The following CABIN1 variants were observed in gnomAD, a reference collection of about 807,000 sequenced individuals.
CABIN1 encodes the protein calcineurin binding protein 1.
A neutral mutation model predicts 227.7 loss-of-function variants in CABIN1; 133 were observed. The ratio of observed to expected loss-of-function variants is 0.58; its 90% CI spans 0.51 to 0.67. The LOEUF is 0.67. Ranked by LOEUF, CABIN1 falls within the 30% of genes least tolerant of loss-of-function variation. The pLI is 0.00. For missense variants in CABIN1, 2,408 were observed against 2,852.5 expected (o/e 0.84, Z 3.55); for synonymous variants, 1,086 against 1,155.1 (o/e 0.94, Z 1.21).
At chr22:24,014,922 C>T (rs920865725) in intron 1 of CABIN1, among the ~76,000 whole-genome samples, 7 of 151,824 alleles carry the variant, frequency 4.6e-5, no homozygotes, top group East Asian at 1.9e-4. Flanking sequence ...CTTTCTTATA[C>T]GAAGGTGACA....
At chr22:24,082,870 G>A (rs1240497766) in intron 19 of CABIN1, among the ~76,000 whole-genome samples, 1 of 152,194 alleles carries the variant, frequency 6.6e-6, no homozygotes, top group East Asian at 1.9e-4. Context: ...AAAGTATTCA[G>A]TAAATATTCG....
At chr22:24,075,538 A>G (rs1032998977) in intron 18 of CABIN1, among the ~76,000 whole-genome samples, 10 of 152,172 alleles carry the variant, frequency 6.6e-5, no homozygotes, top group Admixed American at 3.9e-4. Flanking sequence ...GCAGGCCAGG[A>G]GTTCGAGACT....
chr22:24,161,250 G>A (rs1396823244), intron 29 of CABIN1, among the ~76,000 whole-genome samples: 1 of 152,156 alleles, frequency 6.6e-6, no homozygotes, highest in Non-Finnish European at 1.5e-5. Flanking sequence ...GAAGCCTCAA[G>A]CACAATCTCA....
At chr22:24,135,025 C>T (rs9624405) in intron 29 of CABIN1, among the ~76,000 whole-genome samples, 19,250 of 151,190 alleles carry the variant, frequency 0.13, 1,452 homozygotes, top group East Asian at 0.3. Flanking sequence ...TGCGGTGAGC[C>T]GAGATCATGC....
At chr22:24,031,833 C>A (rs946292102) in intron 1 of CABIN1, among the ~76,000 whole-genome samples, 1 of 152,130 alleles carries the variant, frequency 6.6e-6, no homozygotes, top group Non-Finnish European at 1.5e-5. Context: ...GCAGGTCTGG[C>A]CATGGGCTGT....
At chr22:24,147,550 G>T (rs2045226987) in intron 29 of CABIN1, among the ~76,000 whole-genome samples, 1 of 151,258 alleles carries the variant, frequency 6.6e-6, no homozygotes, top group Non-Finnish European at 1.5e-5. Context: ...CCATGCTCAA[G>T]TGATCCTGCT....
In CABIN1 at chr22:24,072,513, G is replaced by A; in HGVS notation, c.2632+3G>A. ...GCTCCAAAACCCAGCGGAGGAAGGT[G>A]CACAGGCAGTGGGTGCAGTGGGGAT... On this transcript the variant is annotated splice_donor_region_variant and intron_variant, in intron 18 of 36. Transcript: ENST00000263119. 2 of 1,614,134 alleles carry A rather than the reference G, an allele frequency of 1.2e-6. No individual in the cohort carries two copies. Among genetic ancestry groups the A allele is most frequent in the Non-Finnish European group, 1.7e-6 (2 of 1,180,014 alleles).
intron 27 of CABIN1, among the ~76,000 whole-genome samples, chr22:24,115,382 T>A (rs1043778762): frequency 1.3e-5 from 2 of 152,090 alleles, no homozygotes; most frequent in South Asian, 4.1e-4. Context: ...AAGCAGACAG[T>A]TTGTGGGGCT....
chr22:24,167,334 T>C, intron 32 of CABIN1, 21 bp downstream of exon 32: 1 of 1,604,386 alleles, frequency 6.2e-7, no homozygotes, highest in Non-Finnish European at 8.5e-7. Context: ...GGCAGAGGCC[T>C]GGGGGCACTA....
chr22:24,040,892 C>T (rs1297896676), intron 4 of CABIN1, among the ~76,000 whole-genome samples: 1 of 152,228 alleles, frequency 6.6e-6, no homozygotes, highest in Non-Finnish European at 1.5e-5. Flanking sequence ...GGCAGTTTCT[C>T]TCTGTTGGAT....
intron 20 of CABIN1, among the ~76,000 whole-genome samples, chr22:24,084,338 A>G (rs1170606739): frequency 6.6e-6 from 1 of 151,254 alleles, no homozygotes. Context: ...GCTCAGGTTC[A>G]AGAGATTCTC....
rs1383394437 is a variant in CABIN1, at chr22:24,177,989, G to T, written c.6520-64G>T. The stretch of plus-strand genomic sequence containing the variant: ...GGGGCCTGGGGCAGGGGTGAAGGTG[G>T]CAGAGGGGCTTGGGGCAGAGCCCAG... On this transcript the variant is annotated intron_variant, in intron 36 of 36. Transcript: ENST00000263119. The surrounding 1 kb of genome is among the most constrained non-coding windows in gnomAD (Gnocchi z 4.4). The T allele has an allele frequency of 6.2e-7, 1 of 1,607,668 alleles. No individual in the cohort carries two copies. Among genetic ancestry groups the T allele is most frequent in the Non-Finnish European group, 8.5e-7 (1 of 1,178,332 alleles).
Position 24,098,132 on chromosome 22 carries a change from A to T in CABIN1, c.4057A>T (p.Thr1353Ser). 6.2e-7 allele frequency: 1 copy of T among 1,613,754 alleles called. No homozygotes were observed. The highest frequency in any genetic ancestry group is 8.5e-7 in the Non-Finnish European group (1 of 1,179,982). ...TCTGACATCCCCACCTTACACAGCC[A>T]CTCCGATTGACCACGATTACGTCAA... ...PGLTSPPYTATPIDHDYVKCK... is the reference protein window; with the variant it reads ...PGLTSPPYTASPIDHDYVKCK... The change falls in exon 26 of 37, where the codon ACT becomes TCT. Residue 1353 changes from threonine (T) to serine (S), a missense_variant. Thr to Ser is a moderately conservative substitution (Grantham distance 58, BLOSUM62 1). This residue lies in a region of CABIN1 where 649 missense variants were observed against 910.3 expected (regional missense o/e 0.71). Coordinates refer to ENST00000263119, the MANE Select transcript of CABIN1 (RefSeq NM_012295.4).
chr22:24,027,283 A>C (rs1286048088), intron 1 of CABIN1, among the ~76,000 whole-genome samples: 3 of 152,180 alleles, frequency 2.0e-5, no homozygotes, highest in African/African-American at 7.2e-5. Context: ...AGATTACTTG[A>C]GATTTTCTAT....
chr22:24,015,951 C>T (rs866246449), intron 1 of CABIN1, among the ~76,000 whole-genome samples: 20 of 152,078 alleles, frequency 1.3e-4, no homozygotes, highest in Admixed American at 2.0e-4. Context: ...GGGCGAGACC[C>T]GGTCTCAAGA....
In CABIN1 at chr22:24,178,050, C is replaced by T. The variant is rs1213150466; in HGVS notation, c.6520-3C>T. The T allele has an allele frequency of 2.5e-6, 4 of 1,613,452 alleles. No individual in the cohort carries two copies. Among genetic ancestry groups the T allele is most frequent in the African/African-American group, 2.7e-5 (2 of 74,878 alleles). ...CCAGTGCCCCGCCCGGCCCTCTCCG[C>T]AGTCAGCCATCCTTTCTGCCCAGTC... On this transcript the variant is annotated splice_polypyrimidine_tract_variant and splice_region_variant and intron_variant, in intron 36 of 36. Coordinates refer to ENST00000263119, the MANE Select transcript of CABIN1 (RefSeq NM_012295.4).
In CABIN1 at chr22:24,098,065, G is replaced by T; in HGVS notation, c.3990G>T (p.Leu1330=). 1 of 1,614,180 alleles carries T rather than the reference G, an allele frequency of 6.2e-7. No individual in the cohort carries two copies. Among genetic ancestry groups the T allele is most frequent in the Non-Finnish European group, 8.5e-7 (1 of 1,180,022 alleles). The change falls in exon 26 of 37, where the codon CTG becomes CTT. Residue 1330 remains leucine, a synonymous_variant. Transcript: ENST00000263119. ...DEDSHSSAGT[L]PGPGASLPSS... The stretch of plus-strand genomic sequence containing the variant: ...ACTCCCACTCTTCAGCTGGGACACT[G>T]CCGGGCCCCGGAGCCTCCCTCCCCT...
chr22:24,146,503 G>T (rs764459919), intron 29 of CABIN1, among the ~76,000 whole-genome samples: 53 of 152,140 alleles, frequency 3.5e-4, no homozygotes, highest in Non-Finnish European at 6.6e-4. Flanking sequence ...TGGAGAGGGG[G>T]TGCTTCCTGC....
Position 24,059,412 on chromosome 22 carries a change from C to T in CABIN1, c.1399+49C>T, listed in dbSNP as rs554910362. ...TTCACTTTGGGAATTCTTCTTCCCA[C>T]TATCCTATAACCTGCTTATGTTTTG... is the stretch of plus-strand genomic sequence containing the variant. On this transcript the variant is annotated intron_variant, in intron 11 of 36. Coordinates refer to ENST00000263119, the MANE Select transcript of CABIN1 (RefSeq NM_012295.4). The T allele has an allele frequency of 2.5e-6, 4 of 1,603,098 alleles. No homozygotes were observed. The Admixed American group carries it at 5.0e-5, about 20-fold the overall frequency.
Sources: gnomAD v4.1 joint callset for allele counts (sites outside exome capture counted in the v4.1 genomes callset) on GRCh38, gnomAD v4.1.1 for gene constraint, gnomAD v4.1.1 regional missense constraint, Gnocchi (gnomAD v3.1) non-coding constraint, MANE v1.5 for transcripts, NCBI Gene and HGNC (gene_info 2026-07-23, HGNC 2026-07-21) for gene names.